TENM2: variants seen among roughly 807,000 people sequenced by gnomAD.
TENM2 encodes teneurin transmembrane protein 2.
In TENM2, 52 loss-of-function variants were observed where a neutral mutation model predicts 245.2. The ratio of observed to expected loss-of-function variants is 0.21; its 90% confidence interval spans 0.17 to 0.27. The LOEUF is 0.27. TENM2 is among the 10% of genes least tolerant of loss of function. The pLI is 1.00. For missense variants in TENM2, 3,046 were observed against 3,666.8 expected (o/e 0.83, Z 4.37); for synonymous variants, 1,363 against 1,438.9 (o/e 0.95, Z 1.19).
intron 7 of TENM2, among the ~76,000 whole-genome samples, chr5:168,085,137 G>A (rs1451904097): frequency 6.6e-6 from 1 of 152,214 alleles, no homozygotes; most frequent in Non-Finnish European, 1.5e-5. Context: ...GATGAGACTA[G>A]GGTTTTGGGG....
At chr5:167,645,489 G>C (rs1742616777) in intron 2 of TENM2, among the ~76,000 whole-genome samples, 1 of 152,140 alleles carries the variant, frequency 6.6e-6, no homozygotes, top group Non-Finnish European at 1.5e-5. Context: ...AATCTCGGAG[G>C]CTTCTTTCGT....
rs548414701 is a variant in TENM2 at position 167,774,857 on chromosome 5, G to A, written c.503-101129G>A. ...ATTCTCAAAACATATCCTTAAAACT[G>A]TCTATGTCCATGATAGTTTCCCCCC... On this transcript the variant is annotated intron_variant, in intron 2 of 28. Transcript: ENST00000518659. Among the ~76,000 whole-genome samples the A allele has an allele frequency of 2.8e-3, 427 of 152,276 alleles. 2 individuals carry two copies. Among genetic ancestry groups the A allele is most frequent in the Non-Finnish European group, 5.2e-3 (356 of 68,018 alleles).
At position 168,226,235 on chromosome 5, in the gene TENM2, A is replaced by G. The variant is rs373734266; in HGVS notation, c.5256A>G (p.Ser1752=). 5 of 1,613,570 alleles carry G rather than the reference A, an allele frequency of 3.1e-6. No individual in the cohort carries two copies. The Middle Eastern group carries it at 4.9e-4, about 160-fold the overall frequency. Residue 1752 remains serine (S), a synonymous_variant, in exon 24 of 29, where the codon TCA becomes TCG. Transcript: ENST00000518659. ...TCACTGTCATCACCAACCTCTCTTC[A>G]GTAGAGGCCTCCTACACAGTGGTAC...
At chr5:167,564,331 A>G (rs1042721568) in intron 2 of TENM2, among the ~76,000 whole-genome samples, 2 of 152,176 alleles carry the variant, frequency 1.3e-5, no homozygotes, top group African/African-American at 4.8e-5. Context: ...GCAGCTGAAA[A>G]GAGAAAAGTG....
intron 2 of TENM2, among the ~76,000 whole-genome samples, chr5:167,660,733 C>T (rs573029158): frequency 1.3e-5 from 2 of 152,064 alleles, no homozygotes; most frequent in South Asian, 4.2e-4. Context: ...ATGCATGTTC[C>T]GAAGTTCTGA....
intron 4 of TENM2, among the ~76,000 whole-genome samples, chr5:167,963,728 C>T (rs1370243747): frequency 6.6e-6 from 1 of 152,120 alleles, no homozygotes; most frequent in Non-Finnish European, 1.5e-5. Context: ...CTGCATTGCT[C>T]TCTTGATGTC....
At chr5:167,338,300 G>A (rs1581779408) in intron 1 of TENM2, among the ~76,000 whole-genome samples, 1 of 152,102 alleles carries the variant, frequency 6.6e-6, no homozygotes, top group East Asian at 1.9e-4. Flanking sequence ...AACTAAGATG[G>A]CTTTATCAAC....
At chr5:167,713,454 A>C (rs565832119) in intron 2 of TENM2, among the ~76,000 whole-genome samples, 68 of 152,054 alleles carry the variant, frequency 4.5e-4, no homozygotes, top group Non-Finnish European at 7.6e-4. Flanking sequence ...TACTGATCTC[A>C]TACATCAAAC....
intron 27 of TENM2, among the ~76,000 whole-genome samples, chr5:168,250,409 C>A (rs1767014782): frequency 6.6e-6 from 1 of 152,074 alleles, no homozygotes; most frequent in South Asian, 2.1e-4. Flanking sequence ...TAATGAGGAC[C>A]CAAGACCAGA....
At chr5:168,037,692 A>G (rs916014755) in intron 5 of TENM2, among the ~76,000 whole-genome samples, 3 of 152,190 alleles carry the variant, frequency 2.0e-5, no homozygotes, top group Non-Finnish European at 4.4e-5. Context: ...CATTGCACAC[A>G]GACACCAGAA....
the TENM2 span, among the ~76,000 whole-genome samples, chr5:167,003,562 C>G: frequency 7.2e-5 from 11 of 152,028 alleles, no homozygotes; most frequent in African/African-American, 2.4e-4. Context: ...TTTATTGTGA[C>G]GAAAATGTCG....
At chr5:167,841,840 A>T (rs1055520964) in intron 2 of TENM2, among the ~76,000 whole-genome samples, 1 of 151,838 alleles carries the variant, frequency 6.6e-6, no homozygotes, top group African/African-American at 2.4e-5. Flanking sequence ...CTTTACCTGC[A>T]CTTCTGTTTT....
At chr5:168,159,376 C>T (rs866886497) in intron 12 of TENM2, among the ~76,000 whole-genome samples, 17 of 152,136 alleles carry the variant, frequency 1.1e-4, no homozygotes, top group African/African-American at 4.1e-4. Flanking sequence ...AGCCTGAAAT[C>T]CAGAAGACTT....
chr5:168,105,488 G>A (rs1022283740), intron 9 of TENM2, among the ~76,000 whole-genome samples: 2 of 152,160 alleles, frequency 1.3e-5, no homozygotes, highest in African/African-American at 4.8e-5. Flanking sequence ...TGGTCTCCTG[G>A]GCCGTGAGAG....
intron 2 of TENM2, among the ~76,000 whole-genome samples, chr5:167,698,266 G>A (rs1253960160): frequency 1.3e-5 from 2 of 152,140 alleles, no homozygotes; most frequent in Non-Finnish European, 2.9e-5. Context: ...TCTGTAAGAT[G>A]ATGGCTTCAG....
At chr5:167,254,074 GA>G in the TENM2 span, among the ~76,000 whole-genome samples, 1 of 151,676 alleles carries the variant, frequency 6.6e-6, no homozygotes, top group Non-Finnish European at 1.5e-5. Context: ...TGACGTATAG[GA>G]AAAAGAAAAG....
At chr5:167,033,350 A>G in the TENM2 span, among the ~76,000 whole-genome samples, 3 of 152,222 alleles carry the variant, frequency 2.0e-5, no homozygotes, top group Non-Finnish European at 1.5e-5. Flanking sequence ...TACTTGATTT[A>G]TGAAACAAGG....
At chr5:168,234,476 A>C (rs1324232623) in intron 25 of TENM2, among the ~76,000 whole-genome samples, 1 of 152,148 alleles carries the variant, frequency 6.6e-6, no homozygotes, top group Non-Finnish European at 1.5e-5. Flanking sequence ...AGAAAGAAAG[A>C]GATACAAGGT....
intron 2 of TENM2, among the ~76,000 whole-genome samples, chr5:167,687,735 G>A (rs1002946220): frequency 2.0e-5 from 3 of 152,086 alleles, no homozygotes; most frequent in African/African-American, 7.2e-5. Context: ...ACAGCAAAAG[G>A]AAGTGAGAAT....
Sources: gnomAD v4.1 joint callset for allele counts (sites outside exome capture counted in the v4.1 genomes callset) on GRCh38, gnomAD v4.1.1 for gene constraint, MANE v1.5 for transcripts, NCBI Gene and HGNC (gene_info 2026-07-23, HGNC 2026-07-21) for gene names.